The following STAT2 variants were observed in gnomAD, a reference collection of about 807,000 sequenced individuals.
STAT2 encodes interferon alpha induced transcriptional activator.
In STAT2, 51 loss-of-function variants were observed where a neutral mutation model predicts 122.3. The observed-to-expected ratio is 0.42, with a 90% CI of 0.33 to 0.53. The LOEUF (loss-of-function observed/expected upper bound fraction) is 0.53, where lower values mean the gene tolerates loss of function less well. STAT2 is among the 20% of genes least tolerant of loss of function. The probability of loss-of-function intolerance (pLI) is 0.10; values close to 1 mark genes in which losing one functional copy is unlikely to be tolerated. For missense variants in STAT2, 736 were observed against 1,010.3 expected, an observed-to-expected ratio of 0.73 and a Z score of 3.68; for synonymous variants, 351 against 394.9, an observed-to-expected ratio of 0.89 and a Z score of 1.32.
At position 56,354,814 on chromosome 12, in the gene STAT2, C is replaced by A. The variant is rs774671730; in HGVS notation, c.597G>T (p.Leu199=). The A allele has an allele frequency of 6.2e-7, 1 of 1,614,178 alleles. No homozygotes were observed. The highest frequency in any genetic ancestry group is 1.1e-5 in the South Asian group (1 of 91,078). Reference sequence around the variant, plus strand: ...TGTCCAGTTCATTGAGAGTTTCCTGCAGAATCTTCTGCTCTTTGGTCTGAT... The same window carrying A: ...TGTCCAGTTCATTGAGAGTTTCCTGAAGAATCTTCTGCTCTTTGGTCTGAT... The part of the protein sequence containing the change: ...DPHQTKEQKI[L]QETLNELDKR... Residue 199 remains leucine (L), a synonymous_variant, in exon 7 of 24, where the codon CTG becomes CTT. Transcript: ENST00000314128.
chr12:56,346,372 A>T lies in STAT2; in HGVS notation c.2044+70T>A, dbSNP rs911311208. ...TATCAGTTTTCCCATGCTTTAAAGGAAGGAGTGGGATCTATGGATGTCTGG... is the reference window on the plus strand; with the variant it reads ...TATCAGTTTTCCCATGCTTTAAAGGTAGGAGTGGGATCTATGGATGTCTGG... On this transcript the variant is annotated intron_variant, in intron 21 of 23. Coordinates refer to ENST00000314128, the MANE Select transcript of STAT2 (RefSeq NM_005419.4). 1.9e-6 allele frequency: 3 copies of T among 1,590,960 alleles called. No homozygotes were observed. In the East Asian group the frequency reaches 6.7e-5, roughly 36 times the overall value.
chr12:56,352,916 C>T (rs1382386101), intron 8 of STAT2, among the ~76,000 whole-genome samples: 3 of 151,992 alleles, frequency 2.0e-5, no homozygotes, highest in Non-Finnish European at 4.4e-5. Context: ...AACACCTGGG[C>T]TCAAGCAATC....
chr12:56,358,006 T>C lies in STAT2; in HGVS notation c.-7-1428A>G, dbSNP rs1592222012. On this transcript the variant is annotated intron_variant, in intron 1 of 23. Coordinates refer to ENST00000314128, the MANE Select transcript of STAT2 (RefSeq NM_005419.4). ...GCATGAGCCACCATAACCAGCCTAA[T>C]GGTAATTTTCAAATACACACTAGAG... Among the ~76,000 whole-genome samples the C allele has an allele frequency of 6.6e-5, 10 of 152,198 alleles. 1 individual carries two copies. The South Asian group carries it at 2.1e-3, about 31-fold the overall frequency.
At chr12:56,349,336 C>G in intron 15 of STAT2, 75 bp from the exon 16 acceptor site, 1 of 1,614,012 alleles carries the variant, frequency 6.2e-7, no homozygotes, top group Non-Finnish European at 8.5e-7. Context: ...GAAAGGAGTG[C>G]TAACCCACCC....
rs111996676 is a variant in STAT2, at chr12:56,349,639, G to A, written c.1210-3C>T. On this transcript the variant is annotated splice_region_variant and splice_polypyrimidine_tract_variant and intron_variant, in intron 13 of 23. Transcript: ENST00000314128. ...CCTGAACGTTGCTCCACCAGAGTCTGTGAATTGAAGGGAAGGAGAGAAAAT... is the reference window on the plus strand; with the variant it reads ...CCTGAACGTTGCTCCACCAGAGTCTATGAATTGAAGGGAAGGAGAGAAAAT... 2.1e-5 allele frequency: 34 copies of A among 1,614,190 alleles called. No homozygotes were observed. The African/African-American group carries it at 3.7e-4, about 18-fold the overall frequency.
intron 14 of STAT2, 23 bp downstream of exon 14, chr12:56,349,566 C>G (rs749931143): frequency 6.2e-7 from 1 of 1,614,180 alleles, no homozygotes; most frequent in Non-Finnish European, 8.5e-7. Flanking sequence ...CCCCCTGCCT[C>G]GAGTCCTCTG....
In STAT2 at chr12:56,343,860, C is replaced by A; in HGVS notation, c.2378G>T (p.Cys793Phe). Residue 793 changes from cysteine (C) to phenylalanine (F), a missense_variant, in exon 23 of 24, where the codon TGT becomes TTT. By Grantham distance (205) the Cys-to-Phe change is radical. Coordinates refer to ENST00000314128, the MANE Select transcript of STAT2 (RefSeq NM_005419.4). ...CTCAGTGTTCAAATGTCTCAGATCA[C>A]AGGGCAAATCTGGCTCTGGCACTGG... is the stretch of plus-strand genomic sequence containing the variant. ...SQPVPEPDLP[C>F]DLRHLNTEPM... The A allele has an allele frequency of 6.2e-7, 1 of 1,614,246 alleles. No individual in the cohort carries two copies. The highest frequency in any genetic ancestry group is 8.5e-7 in the Non-Finnish European group (1 of 1,180,040).
chr12:56,357,876 AT>A (rs374330525), intron 1 of STAT2, among the ~76,000 whole-genome samples: 2 of 151,624 alleles, frequency 1.3e-5, no homozygotes, highest in African/African-American at 4.8e-5. Flanking sequence ...ATGCCAGCTA[AT>A]TTTTTGTAGA....
rs761101546 is a variant in STAT2 at position 56,348,768 on chromosome 12, C to T, written c.1613G>A (p.Trp538Ter). Residue 538 changes from tryptophan to a stop codon, truncating the protein, a stop_gained, in exon 18 of 24, where the codon TGG becomes TAG. Coordinates refer to ENST00000314128, the MANE Select transcript of STAT2 (RefSeq NM_005419.4). LOFTEE classifies it high-confidence loss of function. ...NCRTEDPLLS[W>*]ADFTKRESPP... ...GGGAGTTACCTTAGTGAAGTCAGCC[C>T]AGGACAATAATGGATCCTCAGTCCT... 6.2e-7 allele frequency: 1 copy of T among 1,614,126 alleles called. No individual in the cohort carries two copies. Among genetic ancestry groups the T allele is most frequent in the Non-Finnish European group, 8.5e-7 (1 of 1,180,040 alleles).
chr12:56,349,405 T>C (rs776639436), intron 15 of STAT2, 21 bp downstream of exon 15: 3 of 1,614,076 alleles, frequency 1.9e-6, no homozygotes, highest in African/African-American at 2.7e-5. Flanking sequence ...TTCTCTCTCC[T>C]TGCCCTCCAT....
In STAT2 at chr12:56,343,277, T is replaced by G. The variant is rs1319238215; in HGVS notation, c.*112A>C. On this transcript the variant is annotated 3_prime_UTR_variant, in exon 24 of 24. Transcript: ENST00000314128. ...GTCACACAGGCCTGAGTTTGAACAG[T>G]TAACACAGCTTGGAAGGGACACATG... 1.4e-6 allele frequency: 2 copies of G among 1,480,702 alleles called. No individual in the cohort carries two copies. Among genetic ancestry groups the G allele is most frequent in the African/African-American group, 2.8e-5 (2 of 71,658 alleles). 91.7% of individuals were successfully genotyped at this position (1,480,702 alleles called of 1,614,324 possible). A position where few individuals can be genotyped will look rare whatever the true frequency, so the allele number is the denominator to read the frequency against.
chr12:56,349,659 G>A lies in STAT2; in HGVS notation c.1210-23C>T, dbSNP rs772958117. 7 of 1,614,034 alleles carry A rather than the reference G, an allele frequency of 4.3e-6. No homozygotes were observed. In the South Asian group the frequency reaches 7.7e-5, roughly 18 times the overall value. ...AGTCTGTGAATTGAAGGGAAGGAGA[G>A]AAAATGCCAGAGTGGGCACCCTAGT... On this transcript the variant is annotated intron_variant, in intron 13 of 23. Transcript: ENST00000314128.
In STAT2 at chr12:56,349,579, C is replaced by G; in HGVS notation, c.1257+10G>C. The G allele has an allele frequency of 4.3e-6, 7 of 1,614,204 alleles. No homozygotes were observed. The highest frequency in any genetic ancestry group is 5.9e-6 in the Non-Finnish European group (7 of 1,180,034). ...CTCCCCCTGCCTCGAGTCCTCTGTC[C>G]AGATCTCACCTTATTGCTGCCCTTT... On this transcript the variant is annotated intron_variant, in intron 14 of 23. Coordinates refer to ENST00000314128, the MANE Select transcript of STAT2 (RefSeq NM_005419.4).
At chr12:56,354,272 C>G in intron 8 of STAT2, 194 bp downstream of exon 8, 1 of 659,528 alleles carries the variant, frequency 1.5e-6, no homozygotes, top group Non-Finnish European at 2.4e-6. Context: ...ATTCCTTTCC[C>G]TGAAGGAGAC....
In STAT2 at chr12:56,356,575, G is replaced by C; in HGVS notation, c.-4C>G. On this transcript the variant is annotated 5_prime_UTR_variant, in exon 2 of 24. Transcript: ENST00000314128. ...GCAGCATTTCCCACTGCGCCATTTG[G>C]GCTCTGCGTCAGAAGGATGAGGGTT... The C allele has an allele frequency of 6.2e-7, 1 of 1,614,124 alleles. No homozygotes were observed. Among genetic ancestry groups the C allele is most frequent in the African/African-American group, 1.3e-5 (1 of 75,044 alleles).
Position 56,356,541 on chromosome 12 carries a change from C to A in STAT2, c.31G>T (p.Asp11Tyr). The A allele has an allele frequency of 1.9e-6, 3 of 1,614,182 alleles. No homozygotes were observed. Among genetic ancestry groups the A allele is most frequent in the South Asian group, 1.1e-5 (1 of 91,078 alleles). Residue 11 changes from aspartate (D) to tyrosine (Y), a missense_variant, in exon 2 of 24, where the codon GAC becomes TAC. Asp to Tyr is a radical substitution (Grantham distance 160). Coordinates refer to ENST00000314128, the MANE Select transcript of STAT2 (RefSeq NM_005419.4). The stretch of plus-strand genomic sequence containing the variant: ...TGCAGCTGATCCTGAAAGGGGCTGT[C>A]AAGATTCTGCAGCATTTCCCACTGC... MAQWEMLQNL[D>Y]SPFQDQLHQL...
At chr12:56,355,166 G>T in intron 6 of STAT2, 110 bp downstream of exon 6, 1 of 1,256,866 alleles carries the variant, frequency 8.0e-7, no homozygotes. Flanking sequence ...GTAGTCAGTG[G>T]GGTGTGTCTG....
At chr12:56,348,016 A>T (rs1312457400) in intron 19 of STAT2, among the ~76,000 whole-genome samples, 1 of 152,068 alleles carries the variant, frequency 6.6e-6, no homozygotes, top group East Asian at 1.9e-4. Context: ...GAGAGAATTA[A>T]TGAAGAGCAC....
intron 8 of STAT2, among the ~76,000 whole-genome samples, chr12:56,354,188 TA>T (rs1337645270): frequency 9.3e-4 from 129 of 139,052 alleles, no homozygotes; most frequent in East Asian, 1.3e-3. Context: ...TTCGTTGCAG[TA>T]AAAAAAAAAA....
Sources: gnomAD v4.1 joint callset for allele counts (sites outside exome capture counted in the v4.1 genomes callset) on GRCh38, gnomAD v4.1.1 for gene constraint, MANE v1.5 for transcripts, NCBI Gene and HGNC (gene_info 2026-07-23, HGNC 2026-07-21) for gene names.